Variants in CREBBP observed in about 807,000 individuals in gnomAD.
The protein encoded by CREBBP is CREB-binding protein.
In CREBBP, 19 loss-of-function variants were observed where a neutral mutation model predicts 265.0. The ratio of observed to expected loss-of-function variants is 0.07; its 90% CI spans 0.05 to 0.11. The LOEUF is 0.11. Ranked by LOEUF, CREBBP falls within the 10% of genes least tolerant of loss-of-function variation. The probability of loss-of-function intolerance (pLI) is 1.00; values close to 1 mark genes in which losing one functional copy is unlikely to be tolerated. For synonymous variants in CREBBP, 1,457 were observed against 1,223.7 expected (o/e 1.19, Z -3.98); for missense variants, 2,525 against 3,219.0 (o/e 0.78, Z 5.22).
chr16:3,827,863 A>T (rs1292339155), intron 2 of CREBBP, among the ~76,000 whole-genome samples: 1 of 151,244 alleles, frequency 6.6e-6, no homozygotes, highest in African/African-American at 2.4e-5. Context: ...GCTAATTTTT[A>T]AAATGTTTTG....
At chr16:3,751,024 C>A (rs923192029) in intron 20 of CREBBP, among the ~76,000 whole-genome samples, 6 of 151,536 alleles carry the variant, frequency 4.0e-5, no homozygotes, top group African/African-American at 1.5e-4. Flanking sequence ...GAGTTCAAGA[C>A]CAGCCTGGGT....
chr16:3,858,854 C>G (rs1484532111), intron 1 of CREBBP, among the ~76,000 whole-genome samples: 1 of 152,194 alleles, frequency 6.6e-6, no homozygotes, highest in African/African-American at 2.4e-5. Context: ...TGAACCCCAA[C>G]CCTAGAATTG....
rs375531456 is a variant in CREBBP, at chr16:3,854,445, C to A, written c.86-3436G>T. On this transcript the variant is annotated intron_variant, in intron 1 of 30. Transcript: ENST00000262367. ...TCTCTGAACTGCTGAGTGATGCAAC[C>A]CTAGTACTTCCCCACCTTCAAACTT... Among the ~76,000 whole-genome samples the A allele has an allele frequency of 2.8e-4, 43 of 152,304 alleles. 1 individual carries two copies. In the South Asian group the frequency reaches 8.5e-3, roughly 30 times the overall value.
At chr16:3,751,605 A>G in intron 20 of CREBBP, 121 bp downstream of exon 20, 4 of 1,046,424 alleles carry the variant, frequency 3.8e-6, no homozygotes, top group Non-Finnish European at 5.9e-6. Flanking sequence ...ACAAAAAACC[A>G]AAAAACATTG....
chr16:3,781,385 T>C (rs1054050386), intron 6 of CREBBP, 79 bp from the exon 7 acceptor site: 2 of 1,117,654 alleles, frequency 1.8e-6, no homozygotes, highest in African/African-American at 1.6e-5. Flanking sequence ...ATAACCAACA[T>C]GCCACCATAT....
chr16:3,753,874 C>T (rs1358986990), intron 19 of CREBBP, among the ~76,000 whole-genome samples: 2 of 152,128 alleles, frequency 1.3e-5, no homozygotes, highest in African/African-American at 4.8e-5. Context: ...AAATGAAACT[C>T]CCACCGTAAT....
At chr16:3,765,107 G>A (rs1023989135) in intron 16 of CREBBP, among the ~76,000 whole-genome samples, 1 of 152,094 alleles carries the variant, frequency 6.6e-6, no homozygotes, top group African/African-American at 2.4e-5. Context: ...CCGAGCAGCT[G>A]GGACTACAGG....
At chr16:3,751,915 G>C in intron 19 of CREBBP, 109 bp from the exon 20 acceptor site, 1 of 1,026,076 alleles carries the variant, frequency 9.7e-7, no homozygotes, top group South Asian at 1.3e-5. Flanking sequence ...ACGAAGGGGG[G>C]GCGTTGTTGG....
intron 28 of CREBBP, among the ~76,000 whole-genome samples, chr16:3,734,440 T>C (rs2051998587): frequency 6.6e-6 from 1 of 152,110 alleles, no homozygotes; most frequent in East Asian, 1.9e-4. Context: ...CAGGAGCCCC[T>C]ATCAGGCCTG....
At position 3,736,946 on chromosome 16, in the gene CREBBP, A is replaced by G. The variant is rs1479441742; in HGVS notation, c.4395-131T>C. Reference sequence around the variant, plus strand: ...CCAGAGAGAGAGAATGAATGCCCACAAAGCTGGGTGTGGTGGGGGCAAGGC... The same window carrying G: ...CCAGAGAGAGAGAATGAATGCCCACGAAGCTGGGTGTGGTGGGGGCAAGGC... On this transcript the variant is annotated intron_variant, in intron 26 of 30. Coordinates refer to ENST00000262367, the MANE Select transcript of CREBBP (RefSeq NM_004380.3). 6.9e-6 allele frequency: 8 copies of G among 1,158,812 alleles called. No homozygotes were observed. The Admixed American group carries it at 1.4e-4, about 20-fold the overall frequency. The allele number at this position is 1,158,812 out of a possible 1,614,324, so 71.8% of individuals were successfully genotyped here.
intron 1 of CREBBP, 108 bp from the exon 2 acceptor site, chr16:3,851,117 G>T: frequency 2.2e-6 from 2 of 909,618 alleles, no homozygotes; most frequent in South Asian, 1.4e-5. Context: ...ACGAACACTA[G>T]CATGTCTTAA....
intron 3 of CREBBP, among the ~76,000 whole-genome samples, chr16:3,810,350 A>G (rs1190352224): frequency 6.6e-6 from 1 of 152,230 alleles, no homozygotes; most frequent in Non-Finnish European, 1.5e-5. Context: ...TGATTCGTGC[A>G]CGTGAATTCT....
chr16:3,824,088 AAG>A (rs2054193435), intron 2 of CREBBP, among the ~76,000 whole-genome samples: 1 of 152,210 alleles, frequency 6.6e-6, no homozygotes, highest in South Asian at 2.1e-4. Context: ...AGCCAAAGGT[AAG>A]AGACACAAGC....
chr16:3,760,837 T>C (rs1050347341), intron 16 of CREBBP, among the ~76,000 whole-genome samples: 21 of 151,814 alleles, frequency 1.4e-4, no homozygotes, highest in Non-Finnish European at 3.1e-4. Context: ...GTCATATCAC[T>C]ATGTTGCCCA....
chr16:3,772,915 C>CAAAAAAAAAAAAA (rs144154476), intron 13 of CREBBP, among the ~76,000 whole-genome samples: 3 of 88,750 alleles, frequency 3.4e-5, no homozygotes, highest in South Asian at 4.5e-4. Flanking sequence ...ACTAAAAATA[C>CAAAAAAAAAAAAA]AAAAAAAAAA....
intron 2 of CREBBP, among the ~76,000 whole-genome samples, chr16:3,819,146 T>C (rs758147047): frequency 1.3e-5 from 2 of 152,262 alleles, no homozygotes; most frequent in African/African-American, 2.4e-5. Context: ...ATTTTTCTTA[T>C]TGGAACACAG....
At chr16:3,795,453 CA>C (rs2053589748) in intron 3 of CREBBP, among the ~76,000 whole-genome samples, 1 of 152,080 alleles carries the variant, frequency 6.6e-6, no homozygotes, top group African/African-American at 2.4e-5. Context: ...CCCTGCAACA[CA>C]CATGTTTTGC....
chr16:3,745,404 A>C (rs887185516), intron 21 of CREBBP, 50 bp from the exon 22 acceptor site: 2 of 1,559,640 alleles, frequency 1.3e-6, no homozygotes, highest in African/African-American at 2.7e-5. Context: ...CCACAAGACC[A>C]GAGTCACTTG....
At chr16:3,831,217 A>G (rs912111025) in intron 2 of CREBBP, among the ~76,000 whole-genome samples, 1 of 152,232 alleles carries the variant, frequency 6.6e-6, no homozygotes, top group Non-Finnish European at 1.5e-5. Flanking sequence ...CAACAATAAA[A>G]TATCTGCAAA....
Sources: gnomAD v4.1 joint callset for allele counts (sites outside exome capture counted in the v4.1 genomes callset) on GRCh38, gnomAD v4.1.1 for gene constraint, MANE v1.5 for transcripts, NCBI Gene and HGNC (gene_info 2026-07-23, HGNC 2026-07-21) for gene names.